The following ANKRD28 variants were observed in gnomAD, a reference collection of about 807,000 sequenced individuals.
The protein encoded by ANKRD28 is ankyrin repeat domain 28, also known as serine/threonine-protein phosphatase 6 regulatory ankyrin repeat subunit A.
In ANKRD28, 44 loss-of-function variants were observed where a neutral mutation model predicts 126.5. The observed-to-expected ratio is 0.35, with a 90% CI of 0.27 to 0.45. The LOEUF is 0.45. ANKRD28 is among the 20% of genes least tolerant of loss of function. ANKRD28 has a pLI of 1.00. For missense variants in ANKRD28, 1,110 were observed against 1,316.6 expected, an observed-to-expected ratio of 0.84 and a Z score of 2.43; for synonymous variants, 442 against 468.5, an observed-to-expected ratio of 0.94 and a Z score of 0.73.
chr3:15,726,998 T>C (rs1466546949), intron 6 of ANKRD28, among the ~76,000 whole-genome samples: 1 of 152,138 alleles, frequency 6.6e-6, no homozygotes, highest in Non-Finnish European at 1.5e-5. Flanking sequence ...AAGCCCACTG[T>C]TGAGACATAC....
chr3:15,744,730 T>C (rs1264717032), intron 4 of ANKRD28, among the ~76,000 whole-genome samples: 2 of 152,166 alleles, frequency 1.3e-5, no homozygotes, highest in Admixed American at 6.5e-5. Context: ...ATCTTTTTCT[T>C]ATAATGACCT....
intron 3 of ANKRD28, among the ~76,000 whole-genome samples, chr3:15,753,378 T>C (rs777623698): frequency 2.4e-4 from 37 of 152,304 alleles, no homozygotes; most frequent in Non-Finnish European, 4.9e-4. Flanking sequence ...CTACAGATAG[T>C]GAAGGAGTGA....
At chr3:15,781,063 G>T (rs2059516230) in intron 2 of ANKRD28, among the ~76,000 whole-genome samples, 1 of 151,328 alleles carries the variant, frequency 6.6e-6, no homozygotes, top group Non-Finnish European at 1.5e-5. Flanking sequence ...ACTGGCAAAT[G>T]GGACTGCATT....
chr3:15,690,347 T>C, intron 17 of ANKRD28, 127 bp from the exon 18 acceptor site: 1 of 762,010 alleles, frequency 1.3e-6, no homozygotes, highest in South Asian at 2.1e-5. Context: ...TCCAAACTTC[T>C]ACATCGAGAA....
chr3:15,808,203 G>T (rs1476855799), intron 1 of ANKRD28, among the ~76,000 whole-genome samples: 1 of 152,162 alleles, frequency 6.6e-6, no homozygotes, highest in Non-Finnish European at 1.5e-5. Flanking sequence ...GGAAGCAAAT[G>T]GGGTTTTTGA....
At chr3:15,725,664 T>C (rs547036264) in intron 6 of ANKRD28, among the ~76,000 whole-genome samples, 1 of 152,302 alleles carries the variant, frequency 6.6e-6, no homozygotes, top group African/African-American at 2.4e-5. Context: ...TTCAATGTTA[T>C]TTTATCTGTT....
chr3:15,760,900 A>AT (rs2058424706), intron 3 of ANKRD28, among the ~76,000 whole-genome samples: 1 of 152,206 alleles, frequency 6.6e-6, no homozygotes, highest in Admixed American at 6.5e-5. Context: ...CACATCACTT[A>AT]AAGGGCCAAG....
intron 1 of ANKRD28, among the ~76,000 whole-genome samples, chr3:15,850,224 T>TAGAGAGAGAGAGAGAGAGAG (rs375278547): frequency 1.3e-3 from 45 of 35,110 alleles, no homozygotes; most frequent in South Asian, 2.3e-3. Context: ...TATATATATA[T>TAGAGAGAGAGAGAGAGAGAG]AGAGAGAGAG....
At chr3:15,805,272 G>A (rs1043243865) in intron 1 of ANKRD28, among the ~76,000 whole-genome samples, 4 of 152,126 alleles carry the variant, frequency 2.6e-5, no homozygotes, top group Non-Finnish European at 5.9e-5. Flanking sequence ...TACTCTGTTA[G>A]CAAGTATGTA....
At chr3:15,703,231 C>T (rs554189891) in intron 14 of ANKRD28, among the ~76,000 whole-genome samples, 15 of 152,256 alleles carry the variant, frequency 9.9e-5, no homozygotes, top group African/African-American at 3.1e-4. Flanking sequence ...AACCTCTACA[C>T]ACAAAAAACT....
At chr3:15,735,296 A>T in intron 6 of ANKRD28, 114 bp downstream of exon 6, 1 of 823,604 alleles carries the variant, frequency 1.2e-6, no homozygotes, top group Non-Finnish European at 1.8e-6. Context: ...AAACTCAGAT[A>T]CTGTGTAGCT....
intron 2 of ANKRD28, among the ~76,000 whole-genome samples, chr3:15,794,766 C>T (rs1466251126): frequency 6.6e-6 from 1 of 152,040 alleles, no homozygotes; most frequent in African/African-American, 2.4e-5. Context: ...TGATTATTTA[C>T]AAAAAGCAAA....
At chr3:15,763,019 G>A (rs1277134559) in intron 3 of ANKRD28, among the ~76,000 whole-genome samples, 4 of 152,164 alleles carry the variant, frequency 2.6e-5, no homozygotes, top group African/African-American at 9.7e-5. Flanking sequence ...TGTCTCTCAT[G>A]GCAACACAAA....
chr3:15,716,199 C>G (rs1392530895), intron 8 of ANKRD28, among the ~76,000 whole-genome samples: 1 of 150,780 alleles, frequency 6.6e-6, no homozygotes, highest in African/African-American at 2.4e-5. Flanking sequence ...CCAGGCTTGT[C>G]TTGAACTCAA....
intron 21 of ANKRD28, chr3:15,684,139 C>A (rs1014426725): frequency 1.3e-5 from 2 of 152,220 alleles, no homozygotes; most frequent in Non-Finnish European, 2.9e-5. Context: ...AACACTGATG[C>A]TTGCACTGTA....
intron 3 of ANKRD28, among the ~76,000 whole-genome samples, chr3:15,764,172 T>C (rs952619336): frequency 1.3e-5 from 2 of 152,172 alleles, no homozygotes; most frequent in Non-Finnish European, 2.9e-5. Context: ...TGAGCTGAGA[T>C]TGTGCCACTG....
chr3:15,740,469 C>T (rs547189620), intron 4 of ANKRD28, among the ~76,000 whole-genome samples: 12 of 152,154 alleles, frequency 7.9e-5, no homozygotes, highest in Non-Finnish European at 1.6e-4. Context: ...GATTCCTGAT[C>T]CTCACCTCTG....
intron 4 of ANKRD28, among the ~76,000 whole-genome samples, chr3:15,740,929 G>T (rs552910955): frequency 6.6e-6 from 1 of 152,092 alleles, no homozygotes. Flanking sequence ...GGCCTGGTGC[G>T]GTGGCTCACT....
At chr3:15,708,759 T>C (rs1289890089) in intron 13 of ANKRD28, among the ~76,000 whole-genome samples, 1 of 152,198 alleles carries the variant, frequency 6.6e-6, no homozygotes, top group African/African-American at 2.4e-5. Context: ...AAAGTAATTA[T>C]GGTGTCAAAT....
Sources: gnomAD v4.1 joint callset for allele counts (sites outside exome capture counted in the v4.1 genomes callset) on GRCh38, gnomAD v4.1.1 for gene constraint, MANE v1.5 for transcripts, NCBI Gene and HGNC (gene_info 2026-07-23, HGNC 2026-07-21) for gene names.